Variants in CSMD1 observed in about 807,000 individuals in gnomAD.
The protein encoded by CSMD1 is CUB and sushi domain-containing protein 1.
A neutral mutation model predicts 417.5 loss-of-function variants in CSMD1; 213 were observed. That is an observed-to-expected ratio of 0.51 (90% CI 0.46 to 0.57). The LOEUF is 0.57. Among genes scored for constraint, CSMD1 ranks in the 20% least tolerant of loss-of-function variants. The probability of loss-of-function intolerance (pLI) is 0.00; values close to 1 mark genes in which losing one functional copy is unlikely to be tolerated. For missense variants in CSMD1, 6,923 were observed against 4,529.7 expected (o/e 1.53, Z -15.17); for synonymous variants, 2,862 against 1,736.8 (o/e 1.65, Z -16.11).
At chr8:3,908,944 G>A (rs1563200591) in intron 5 of CSMD1, among the ~76,000 whole-genome samples, 2 of 152,176 alleles carry the variant, frequency 1.3e-5, no homozygotes, top group Non-Finnish European at 2.9e-5. Flanking sequence ...GGCAAACAGG[G>A]CTCCTTCACT....
chr8:4,314,189 C>T (rs774439910), intron 3 of CSMD1, among the ~76,000 whole-genome samples: 1 of 151,974 alleles, frequency 6.6e-6, no homozygotes, highest in Non-Finnish European at 1.5e-5. Context: ...CCTTGGTTCC[C>T]TCATTATTTT....
chr8:4,703,378 G>A (rs533185244), intron 1 of CSMD1, among the ~76,000 whole-genome samples: 2 of 152,284 alleles, frequency 1.3e-5, no homozygotes, highest in Non-Finnish European at 2.9e-5. Context: ...ACTGACAGAA[G>A]AAATAGCGAT....
At chr8:4,491,849 T>C (rs140927382) in intron 2 of CSMD1, among the ~76,000 whole-genome samples, 2 of 152,152 alleles carry the variant, frequency 1.3e-5, no homozygotes, top group African/African-American at 4.8e-5. Context: ...TACTGTACGA[T>C]CCAGCAACTG....
At chr8:3,599,831 C>T (rs1221080021) in intron 8 of CSMD1, among the ~76,000 whole-genome samples, 2 of 152,204 alleles carry the variant, frequency 1.3e-5, no homozygotes, top group African/African-American at 2.4e-5. Context: ...CTGCTGGGAG[C>T]AACAGATCTG....
At chr8:3,802,768 T>C (rs1161277431) in intron 5 of CSMD1, among the ~76,000 whole-genome samples, 1 of 152,170 alleles carries the variant, frequency 6.6e-6, no homozygotes, top group East Asian at 1.9e-4. Flanking sequence ...TGCTTGAAAA[T>C]TTAAAGCTTA....
chr8:3,595,392 G>A (rs143029620), intron 8 of CSMD1, among the ~76,000 whole-genome samples: 161 of 152,252 alleles, frequency 1.1e-3, no homozygotes, highest in African/African-American at 3.8e-3. Context: ...TCTTTTCTGG[G>A]TCATTTTTTC....
chr8:4,665,005 TTTA>T (rs1218022042), intron 1 of CSMD1, among the ~76,000 whole-genome samples: 1 of 152,230 alleles, frequency 6.6e-6, no homozygotes, highest in Non-Finnish European at 1.5e-5. Flanking sequence ...TGTTCTTCAT[TTTA>T]TTATTACCAA....
chr8:3,935,160 T>C (rs2129694191), intron 5 of CSMD1, among the ~76,000 whole-genome samples: 1 of 152,292 alleles, frequency 6.6e-6, no homozygotes, highest in East Asian at 1.9e-4. Context: ...GAAGCAAGAA[T>C]ATGGCCACGA....
chr8:4,008,186 T>C (rs1305381633), intron 4 of CSMD1, among the ~76,000 whole-genome samples: 1 of 152,146 alleles, frequency 6.6e-6, no homozygotes, highest in African/African-American at 2.4e-5. Context: ...ATGAGCAAGC[T>C]ACAGGGCAGC....
chr8:4,042,582 A>C (rs1797945662), intron 3 of CSMD1, among the ~76,000 whole-genome samples: 1 of 152,074 alleles, frequency 6.6e-6, no homozygotes, highest in East Asian at 1.9e-4. Flanking sequence ...TAGCATAGTA[A>C]GGAATTCCAA....
At chr8:4,863,533 C>T (rs1451259193) in intron 1 of CSMD1, among the ~76,000 whole-genome samples, 1 of 151,990 alleles carries the variant, frequency 6.6e-6, no homozygotes, top group Admixed American at 6.5e-5. Flanking sequence ...TAACTCATTC[C>T]TATTGGTATC....
intron 2 of CSMD1, among the ~76,000 whole-genome samples, chr8:4,536,127 G>C (rs917304410): frequency 6.6e-6 from 1 of 152,126 alleles, no homozygotes. Context: ...ACTTGACAAG[G>C]TTCCTTTCTG....
At chr8:4,607,981 T>C (rs754756800) in intron 2 of CSMD1, among the ~76,000 whole-genome samples, 4 of 152,094 alleles carry the variant, frequency 2.6e-5, no homozygotes, top group African/African-American at 4.8e-5. Flanking sequence ...TCAATGTTAT[T>C]ATATACAGTG....
intron 12 of CSMD1, among the ~76,000 whole-genome samples, chr8:3,467,472 G>A (rs1297635217): frequency 2.6e-5 from 4 of 152,208 alleles, no homozygotes; most frequent in East Asian, 1.9e-4. Context: ...AAATTCAAAC[G>A]TCAGGAGGTA....
chr8:4,212,894 C>A (rs1192125632), intron 3 of CSMD1, among the ~76,000 whole-genome samples: 1 of 151,616 alleles, frequency 6.6e-6, no homozygotes, highest in Non-Finnish European at 1.5e-5. Flanking sequence ...AGTTTAGAGG[C>A]TGAGCTGGAA....
In CSMD1 at chr8:4,677,979, A is replaced by G. The variant is rs181766817; in HGVS notation, c.86-40421T>C. Reference sequence around the variant, plus strand: ...GAAATAGACATAAAGCCTGCCTTCCATGGTTTGATGTCAGAGACAGTGATA... The same window carrying G: ...GAAATAGACATAAAGCCTGCCTTCCGTGGTTTGATGTCAGAGACAGTGATA... On this transcript the variant is annotated intron_variant, in intron 1 of 69. Transcript: ENST00000635120. 2.9e-3 allele frequency among the ~76,000 whole-genome samples: 445 copies of G among 152,360 alleles called. 2 individuals are homozygous for G. Among genetic ancestry groups the G allele is most frequent in the Non-Finnish European group, 4.0e-3 (270 of 68,030 alleles).
intron 7 of CSMD1, chr8:3,704,628 C>A (rs776184197): frequency 6.6e-6 from 1 of 152,246 alleles, no homozygotes; most frequent in Non-Finnish European, 1.5e-5. Context: ...AAGCTTTCTT[C>A]TCTCGCTTAT....
At chr8:4,895,575 G>A (rs368698393) in intron 1 of CSMD1, among the ~76,000 whole-genome samples, 2 of 152,136 alleles carry the variant, frequency 1.3e-5, no homozygotes, top group African/African-American at 2.4e-5. Flanking sequence ...CTGATTCAAA[G>A]GTATTGATTA....
intron 3 of CSMD1, among the ~76,000 whole-genome samples, chr8:4,131,668 A>G (rs148504887): frequency 3.9e-5 from 6 of 152,104 alleles, no homozygotes; most frequent in Non-Finnish European, 8.8e-5. Flanking sequence ...AAAATGTTAG[A>G]TAGACTTCAT....
Sources: allele counts gnomAD v4.1 joint callset (sites outside exome capture counted in the v4.1 genomes callset), GRCh38; gene constraint gnomAD v4.1.1; transcripts MANE v1.5; gene names NCBI Gene and HGNC (gene_info 2026-07-23, HGNC 2026-07-21).